The following SGCG variants were observed in gnomAD, a reference collection of about 807,000 sequenced individuals.
SGCG encodes the protein gamma-sarcoglycan.
In SGCG, 26 loss-of-function variants were observed where a neutral mutation model predicts 29.3. That is an observed-to-expected ratio of 0.89 (90% CI 0.65 to 1.23). The LOEUF (loss-of-function observed/expected upper bound fraction) is 1.23, where lower values mean the gene tolerates loss of function less well. Among genes scored for constraint, SGCG ranks in the 50% most tolerant of loss-of-function variants. The probability of loss-of-function intolerance (pLI) is 0.00; values close to 1 mark genes in which losing one functional copy is unlikely to be tolerated. For missense variants in SGCG, 353 were observed against 356.0 expected, an observed-to-expected ratio of 0.99 and a Z score of 0.07; for synonymous variants, 145 against 129.7, an observed-to-expected ratio of 1.12 and a Z score of -0.80.
the SGCG span, among the ~76,000 whole-genome samples, chr13:23,175,876 A>G: frequency 6.6e-6 from 1 of 152,150 alleles, no homozygotes; most frequent in African/African-American, 2.4e-5. Context: ...TTGATAAATA[A>G]TCAAAGAATA....
At chr13:23,257,521 C>A (rs1880245137) in intron 4 of SGCG, among the ~76,000 whole-genome samples, 1 of 152,116 alleles carries the variant, frequency 6.6e-6, no homozygotes, top group Non-Finnish European at 1.5e-5. Flanking sequence ...ATGGTAGTTT[C>A]TTTTGCTGTG....
At chr13:23,285,930 G>A (rs1156229712) in intron 5 of SGCG, among the ~76,000 whole-genome samples, 1 of 152,124 alleles carries the variant, frequency 6.6e-6, no homozygotes, top group Non-Finnish European at 1.5e-5. Flanking sequence ...CACCCTCCGT[G>A]GGCTGCACCC....
chr13:23,264,233 C>T (rs1402732263), intron 4 of SGCG, among the ~76,000 whole-genome samples: 2 of 151,990 alleles, frequency 1.3e-5, no homozygotes, highest in East Asian at 1.9e-4. Context: ...TCAGTAAAGT[C>T]TCAGGTTACA....
the SGCG span, among the ~76,000 whole-genome samples, chr13:23,163,814 A>G: frequency 2.0e-5 from 3 of 152,354 alleles, no homozygotes; most frequent in Non-Finnish European, 4.4e-5. Context: ...TATTGAATTG[A>G]AGACAAAGGC....
chr13:23,224,735 C>T, intron 2 of SGCG, among the ~76,000 whole-genome samples: 1 of 151,952 alleles, frequency 6.6e-6, no homozygotes, highest in East Asian at 1.9e-4. Flanking sequence ...CCTACTAAGC[C>T]AGGCACAGGC....
At chr13:23,320,056 G>T (rs938550814) in intron 6 of SGCG, among the ~76,000 whole-genome samples, 2 of 152,240 alleles carry the variant, frequency 1.3e-5, no homozygotes, top group East Asian at 1.9e-4. Flanking sequence ...TAATAATAAA[G>T]AAAAGACCAA....
At chr13:23,216,046 T>C (rs1267377473) in intron 2 of SGCG, among the ~76,000 whole-genome samples, 1 of 152,162 alleles carries the variant, frequency 6.6e-6, no homozygotes, top group Non-Finnish European at 1.5e-5. Context: ...ATTAGAATCT[T>C]GAACATGTTT....
intron 4 of SGCG, among the ~76,000 whole-genome samples, chr13:23,271,857 T>C (rs1394413440): frequency 2.0e-5 from 3 of 152,226 alleles, no homozygotes; most frequent in African/African-American, 7.2e-5. Context: ...TACAAATTTT[T>C]CCTCATATAT....
intron 4 of SGCG, among the ~76,000 whole-genome samples, chr13:23,267,309 G>A (rs1461033953): frequency 3.3e-5 from 5 of 152,174 alleles, no homozygotes; most frequent in Non-Finnish European, 7.3e-5. Context: ...CCTCTACTCT[G>A]AGGAGTGTCT....
chr13:23,288,469 T>C (rs1234630922), intron 5 of SGCG, among the ~76,000 whole-genome samples: 1 of 152,186 alleles, frequency 6.6e-6, no homozygotes, highest in African/African-American at 2.4e-5. Flanking sequence ...TCTTAATTAC[T>C]CAAATAAGCT....
At chr13:23,231,329 CTT>C (rs57796934) in intron 2 of SGCG, among the ~76,000 whole-genome samples, 710 of 145,430 alleles carry the variant, frequency 4.9e-3, no homozygotes, top group East Asian at 0.012. Context: ...CCCTCTTTCT[CTT>C]TTTTTTTTTT....
At chr13:23,222,795 T>A (rs1158816701) in intron 2 of SGCG, among the ~76,000 whole-genome samples, 2 of 152,168 alleles carry the variant, frequency 1.3e-5, no homozygotes, top group Non-Finnish European at 2.9e-5. Context: ...GCCACTGCAC[T>A]CCAGCCTGGG....
chr13:23,196,937 C>G (rs543002123), intron 1 of SGCG, among the ~76,000 whole-genome samples: 1 of 152,302 alleles, frequency 6.6e-6, no homozygotes, highest in South Asian at 2.1e-4. Context: ...ACTAGCATAA[C>G]ATAGGCAGCC....
At chr13:23,229,790 A>T (rs949755989) in intron 2 of SGCG, among the ~76,000 whole-genome samples, 3 of 152,182 alleles carry the variant, frequency 2.0e-5, no homozygotes, top group African/African-American at 7.2e-5. Flanking sequence ...TAGTTTAATG[A>T]GGCCTCATTT....
chr13:23,178,144 C>G (rs1415179782), upstream of SGCG, among the ~76,000 whole-genome samples: 4 of 152,182 alleles, frequency 2.6e-5, no homozygotes, highest in Non-Finnish European at 5.9e-5. Context: ...CATCATTCCT[C>G]TGGCAGTCCC....
chr13:23,234,671 T>A lies in SGCG; in HGVS notation c.256T>A (p.Phe86Ile). The A allele has an allele frequency of 6.2e-7, 1 of 1,612,468 alleles. No homozygotes were observed. Among genetic ancestry groups the A allele is most frequent in the Non-Finnish European group, 8.5e-7 (1 of 1,178,628 alleles). ...DGLRLEGESE[F>I]LFPLYAKEIH... ...ACTGCGCTTGGAAGGGGAATCAGAATTTTTATTCCCATTGTATGCCAAAGA... is the reference window on the plus strand; with the variant it reads ...ACTGCGCTTGGAAGGGGAATCAGAAATTTTATTCCCATTGTATGCCAAAGA... Residue 86 changes from phenylalanine (F) to isoleucine (I), a missense_variant, in exon 3 of 8, where the codon TTT (phenylalanine) becomes ATT (isoleucine). Physicochemically the swap from Phe to Ile is conservative, Grantham distance 21. Transcript: ENST00000218867.
Position 23,262,587 on chromosome 13 carries a change from A to G in SGCG, c.385+11870A>G, listed in dbSNP as rs565605673. Among the ~76,000 whole-genome samples the G allele has an allele frequency of 9.5e-4, 144 of 152,188 alleles. No individual in the cohort carries two copies. In the Middle Eastern group the frequency reaches 0.01, roughly 11 times the overall value. On this transcript the variant is annotated intron_variant, in intron 4 of 7. Coordinates refer to ENST00000218867, the MANE Select transcript of SGCG (RefSeq NM_000231.3). ...AGGACTTCAATACTCCACTGACGGC[A>G]TTAGACAAATCATTGAGGCAGAAAG...
intron 1 of SGCG, among the ~76,000 whole-genome samples, chr13:23,189,070 A>T (rs956142695): frequency 3.3e-5 from 5 of 152,158 alleles, no homozygotes; most frequent in African/African-American, 4.8e-5. Flanking sequence ...ATGTGGAGAG[A>T]TGACGGGCGG....
At chr13:23,220,120 G>A (rs957889395) in intron 2 of SGCG, among the ~76,000 whole-genome samples, 1 of 151,864 alleles carries the variant, frequency 6.6e-6, no homozygotes, top group Non-Finnish European at 1.5e-5. Flanking sequence ...CAATTACAGG[G>A]CTGAGCTACC....
Sources: allele counts gnomAD v4.1 joint callset (sites outside exome capture counted in the v4.1 genomes callset), GRCh38; gene constraint gnomAD v4.1.1; transcripts MANE v1.5; gene names NCBI Gene and HGNC (gene_info 2026-07-23, HGNC 2026-07-21).